Variants in MGMT observed in about 807,000 individuals in gnomAD.
The protein encoded by MGMT is methylated-DNA--protein-cysteine methyltransferase.
In MGMT, 14 loss-of-function variants were observed where a neutral mutation model predicts 15.9. That is an observed-to-expected ratio of 0.88 (90% CI 0.58 to 1.37). The LOEUF (loss-of-function observed/expected upper bound fraction) is 1.37, where lower values mean the gene tolerates loss of function less well. MGMT is among the 40% of genes most tolerant of loss of function. The pLI, the probability that MGMT is intolerant of heterozygous loss-of-function variation, is 0.00. For synonymous variants in MGMT, 130 were observed against 118.2 expected, an observed-to-expected ratio of 1.10 and a Z score of -0.65; for missense variants, 282 against 268.1, an observed-to-expected ratio of 1.05 and a Z score of -0.36.
intron 2 of MGMT, among the ~76,000 whole-genome samples, chr10:129,636,599 T>A (rs905611278): frequency 6.6e-6 from 1 of 152,260 alleles, no homozygotes. Context: ...CATTCTTGTC[T>A]TGTTACTAAA....
intron 2 of MGMT, among the ~76,000 whole-genome samples, chr10:129,649,917 C>T (rs900421354): frequency 1.3e-5 from 2 of 152,212 alleles, no homozygotes; most frequent in East Asian, 1.9e-4. Context: ...TTATCTTCTC[C>T]ACATTCTGCC....
chr10:129,739,014 A>G (rs1848598933), intron 3 of MGMT, among the ~76,000 whole-genome samples: 1 of 152,236 alleles, frequency 6.6e-6, no homozygotes, highest in African/African-American at 2.4e-5. Flanking sequence ...ACAAATCAAT[A>G]AACATGTTCC....
rs970114400 is a variant in MGMT at position 129,517,368 on chromosome 10, G to A, written c.-12-18873G>A. Among the ~76,000 whole-genome samples the A allele has an allele frequency of 7.2e-5, 11 of 152,260 alleles. No individual in the cohort carries two copies. The East Asian group carries it at 7.7e-4, about 11-fold the overall frequency. On this transcript the variant is annotated intron_variant, in intron 1 of 4. Coordinates refer to ENST00000651593, the MANE Select transcript of MGMT (RefSeq NM_002412.5). ...AGAGCACATCGTGAATCTTTCTGTCGCCTCCCTGCCCCACCTCACCTCTGT... is the reference window on the plus strand; with the variant it reads ...AGAGCACATCGTGAATCTTTCTGTCACCTCCCTGCCCCACCTCACCTCTGT...
intron 1 of MGMT, among the ~76,000 whole-genome samples, chr10:129,474,232 T>G (rs1409568354): frequency 6.6e-6 from 1 of 152,000 alleles, no homozygotes; most frequent in African/African-American, 2.4e-5. Flanking sequence ...GTCTTGTGAG[T>G]GGGGAACACT....
chr10:129,615,133 G>T (rs1301129339), intron 2 of MGMT, among the ~76,000 whole-genome samples: 2 of 152,204 alleles, frequency 1.3e-5, no homozygotes, highest in Non-Finnish European at 2.9e-5. Context: ...TCCATCATAT[G>T]GAGTGAGATG....
chr10:129,717,398 G>A (rs960139646), intron 3 of MGMT, among the ~76,000 whole-genome samples: 1 of 152,170 alleles, frequency 6.6e-6, no homozygotes, highest in Non-Finnish European at 1.5e-5. Context: ...ATCATTTGTG[G>A]GACCTGGGTA....
At chr10:129,759,435 C>G (rs1848846062) in intron 4 of MGMT, 94 bp downstream of exon 4, 8 of 1,574,902 alleles carry the variant, frequency 5.1e-6, no homozygotes, top group Non-Finnish European at 6.9e-6. Flanking sequence ...GGAAGGCAGG[C>G]TGTGCTGCTG....
intron 3 of MGMT, among the ~76,000 whole-genome samples, chr10:129,730,931 T>C (rs1464777928): frequency 1.3e-5 from 2 of 152,214 alleles, no homozygotes; most frequent in Non-Finnish European, 2.9e-5. Context: ...CATAATTCTT[T>C]TGTTAAATAA....
chr10:129,720,138 G>A (rs1564773500), intron 3 of MGMT, among the ~76,000 whole-genome samples: 1 of 152,318 alleles, frequency 6.6e-6, no homozygotes, highest in East Asian at 1.9e-4. Context: ...CAGAAGGAGT[G>A]TTTTGGTTTG....
intron 1 of MGMT, among the ~76,000 whole-genome samples, chr10:129,523,636 T>G (rs1845837363): frequency 6.6e-6 from 1 of 152,190 alleles, no homozygotes; most frequent in Non-Finnish European, 1.5e-5. Flanking sequence ...CGTCTTGCTT[T>G]CACGGGATTT....
chr10:129,675,726 G>A lies in MGMT; in HGVS notation c.126-32169G>A, dbSNP rs141680875. ...GAGCCACACACCCACTGCTGCTGCT[G>A]TGATCTCCTTGGGTGAGAGCATCAG... On this transcript the variant is annotated intron_variant, in intron 2 of 4. Transcript: ENST00000651593. Among the ~76,000 whole-genome samples, 422 of 152,328 alleles carry A rather than the reference G, an allele frequency of 2.8e-3. 1 individual carries two copies. Among genetic ancestry groups the A allele is most frequent in the Non-Finnish European group, 2.7e-3 (182 of 68,032 alleles).
intron 2 of MGMT, among the ~76,000 whole-genome samples, chr10:129,620,224 T>A (rs1020523018): frequency 1.3e-5 from 2 of 152,274 alleles, no homozygotes; most frequent in Non-Finnish European, 2.9e-5. Flanking sequence ...GATTGTTTTT[T>A]AATATCACTC....
In MGMT at chr10:129,707,905, G is replaced by T. The variant is rs1343221139; in HGVS notation, c.136G>T (p.Val46Phe). 1 of 1,611,444 alleles carries T rather than the reference G, an allele frequency of 6.2e-7. No homozygotes were observed. Among genetic ancestry groups the T allele is most frequent in the East Asian group, 2.2e-5 (1 of 44,824 alleles). The change falls in exon 3 of 5, where the codon GTC (valine) becomes TTC (phenylalanine). Residue 46 changes from valine (V) to phenylalanine (F), a missense_variant. Physicochemically the swap from Val to Phe is conservative, Grantham distance 50. Transcript: ENST00000651593. ...KGTSAADAVE[V>F]PAPAAVLGGP... ...TTCTCACTTTTGCAGTGCCGTGGAG[G>T]TCCCAGCCCCCGCTGCGGTTCTCGG...
chr10:129,527,046 C>T (rs12268841), intron 1 of MGMT, among the ~76,000 whole-genome samples: 37,861 of 152,210 alleles, frequency 0.25, 5,662 homozygotes, highest in African/African-American at 0.42. Flanking sequence ...GTGGTGGTGC[C>T]GGGAGCACTA....
At chr10:129,608,367 G>A (rs904562505) in intron 2 of MGMT, among the ~76,000 whole-genome samples, 1 of 152,232 alleles carries the variant, frequency 6.6e-6, no homozygotes, top group Non-Finnish European at 1.5e-5. Context: ...CCGGGTTTGC[G>A]CCGCAGCTGC....
chr10:129,573,386 C>G (rs1846442195), intron 2 of MGMT, among the ~76,000 whole-genome samples: 1 of 152,138 alleles, frequency 6.6e-6, no homozygotes, highest in South Asian at 2.1e-4. Context: ...CTTACATAAC[C>G]ATAGTACATG....
intron 2 of MGMT, among the ~76,000 whole-genome samples, chr10:129,577,716 C>G (rs1846501752): frequency 6.6e-6 from 1 of 152,162 alleles, no homozygotes. Flanking sequence ...AGCTTCTGCA[C>G]AGCAAAAGAA....
chr10:129,572,065 G>T (rs1846425953), intron 2 of MGMT, among the ~76,000 whole-genome samples: 1 of 152,156 alleles, frequency 6.6e-6, no homozygotes, highest in Non-Finnish European at 1.5e-5. Flanking sequence ...CCTTTAGTCA[G>T]TGCATCTGGG....
At chr10:129,619,169 G>T (rs1847062423) in intron 2 of MGMT, among the ~76,000 whole-genome samples, 1 of 152,132 alleles carries the variant, frequency 6.6e-6, no homozygotes, top group East Asian at 1.9e-4. Flanking sequence ...TTACGGAAGG[G>T]TGTGTCATTT....
Sources: allele counts gnomAD v4.1 joint callset (sites outside exome capture counted in the v4.1 genomes callset), GRCh38; gene constraint gnomAD v4.1.1; transcripts MANE v1.5; gene names NCBI Gene and HGNC (gene_info 2026-07-23, HGNC 2026-07-21).